Variants in TRAF3IP1 observed in about 807,000 individuals in gnomAD.
TRAF3IP1 encodes TRAF3-interacting protein 1.
TRAF3IP1 carries 53 observed loss-of-function variants against 89.9 expected under a neutral mutation model. The ratio of observed to expected loss-of-function variants is 0.59; its 90% CI spans 0.47 to 0.74. The LOEUF (loss-of-function observed/expected upper bound fraction) is 0.74, where lower values mean the gene tolerates loss of function less well. Among genes scored for constraint, TRAF3IP1 ranks in the 30% least tolerant of loss-of-function variants. The pLI is 0.00. For synonymous variants in TRAF3IP1, 311 were observed against 322.1 expected (o/e 0.97, Z 0.37); for missense variants, 806 against 866.1 (o/e 0.93, Z 0.87).
chr2:238,398,842 G>A lies in TRAF3IP1; in HGVS notation c.1999G>A (p.Val667Met). Reference sequence around the variant, plus strand: ...AGACCAGCAAGACAAGATCTGTGCTGTGAAGGCCAACATCCTCAAGAATGA... The same window carrying A: ...AGACCAGCAAGACAAGATCTGTGCTATGAAGGCCAACATCCTCAAGAATGA... ...IKDQQDKICA[V>M]KANILKNEEK... Residue 667 changes from valine to methionine, a missense_variant, in exon 17 of 17, where the codon GTG becomes ATG. Physicochemically the swap from Val to Met is conservative, Grantham distance 21. This residue lies in a region of TRAF3IP1 where 70 missense variants were observed against 67.8 expected (regional missense o/e 1.03). Transcript: ENST00000373327. 3 of 1,613,634 alleles carry A rather than the reference G, an allele frequency of 1.9e-6. No homozygotes were observed. Among genetic ancestry groups the A allele is most frequent in the Non-Finnish European group, 2.5e-6 (3 of 1,179,794 alleles).
intron 2 of TRAF3IP1, 63 bp downstream of exon 2, chr2:238,325,437 C>A: frequency 6.5e-7 from 1 of 1,541,168 alleles, no homozygotes; most frequent in South Asian, 1.1e-5. Context: ...TTTTTGTAGG[C>A]CTGGTAGTGT....
At chr2:238,370,336 G>A (rs190596796) in intron 15 of TRAF3IP1, among the ~76,000 whole-genome samples, 4 of 152,196 alleles carry the variant, frequency 2.6e-5, no homozygotes, top group East Asian at 1.9e-4. Flanking sequence ...CTGTGTATGC[G>A]TATGTGTGCG....
chr2:238,356,818 G>A (rs1485671609), intron 15 of TRAF3IP1, among the ~76,000 whole-genome samples: 4 of 147,974 alleles, frequency 2.7e-5, no homozygotes, highest in Non-Finnish European at 4.4e-5. Context: ...TCGCTCTGTC[G>A]CCCAGGCTGG....
Position 238,334,168 on chromosome 2 carries a change from C to T in TRAF3IP1, c.1063+133C>T, listed in dbSNP as rs944081041. ...ACTTGCTGTGTCTGGGAATGAACAG[C>T]GTGTGGAAATAATGAAGATTTGTGG... On this transcript the variant is annotated intron_variant, in intron 7 of 16. Coordinates refer to ENST00000373327, the MANE Select transcript of TRAF3IP1 (RefSeq NM_015650.4). 5 of 696,586 alleles carry T rather than the reference C, an allele frequency of 7.2e-6. No individual in the cohort carries two copies. The highest frequency in any genetic ancestry group is 5.5e-5 in the East Asian group (2 of 36,246). 43.2% of individuals were successfully genotyped at this position (696,586 alleles called of 1,614,324 possible). A position where few individuals can be genotyped will look rare whatever the true frequency, so the allele number is the denominator to read the frequency against.
rs772478932 is a variant in TRAF3IP1, at chr2:238,379,315, A to G, written c.1690-18144A>G. Among the ~76,000 whole-genome samples the G allele has an allele frequency of 1.3e-5, 2 of 152,164 alleles. No homozygotes were observed. The highest frequency in any genetic ancestry group is 3.8e-4 in the East Asian group (2 of 5,196). On this transcript the variant is annotated intron_variant, in intron 15 of 16. Coordinates refer to ENST00000373327, the MANE Select transcript of TRAF3IP1 (RefSeq NM_015650.4). This position sits in a 1 kb window ranked among gnomAD's most constrained non-coding sequence, Gnocchi z 4.0. ...CACCATCTCTGACCCGGGCTCTGCTATCCTCACAGCATTGGTCACTGACTG... is the reference window on the plus strand; with the variant it reads ...CACCATCTCTGACCCGGGCTCTGCTGTCCTCACAGCATTGGTCACTGACTG...
chr2:238,320,545 G>T lies in TRAF3IP1; in HGVS notation c.-118G>T. 1 of 1,023,194 alleles carries T rather than the reference G, an allele frequency of 9.8e-7. No individual in the cohort carries two copies. The highest frequency in any genetic ancestry group is 1.7e-5 in the African/African-American group (1 of 57,890). 63.4% of individuals were successfully genotyped at this position (1,023,194 alleles called of 1,614,324 possible). The stretch of plus-strand genomic sequence containing the variant: ...ACTGTGGGATGGAAACCGGAGCGGC[G>T]CGTCCTGGCAGGACCGGGCGGCGGC... On this transcript the variant is annotated 5_prime_UTR_variant, in exon 1 of 17. Transcript: ENST00000373327.
chr2:238,365,615 G>A (rs1324847261), intron 15 of TRAF3IP1, among the ~76,000 whole-genome samples: 2 of 151,742 alleles, frequency 1.3e-5, no homozygotes, highest in Non-Finnish European at 1.5e-5. Context: ...CCAAGCTCGC[G>A]CCACTGCACT....
chr2:238,329,885 G>GAT (rs1698035575), intron 5 of TRAF3IP1, among the ~76,000 whole-genome samples: 1 of 152,218 alleles, frequency 6.6e-6, no homozygotes, highest in African/African-American at 2.4e-5. Flanking sequence ...AGTGGTAGAA[G>GAT]ATAATTTGAA....
chr2:238,398,930 G>A lies in TRAF3IP1; in HGVS notation c.*11G>A, dbSNP rs1448040361. 6.3e-7 allele frequency: 1 copy of A among 1,583,642 alleles called. No homozygotes were observed. Among genetic ancestry groups the A allele is most frequent in the African/African-American group, 1.4e-5 (1 of 73,348 alleles). On this transcript the variant is annotated 3_prime_UTR_variant, in exon 17 of 17. Transcript: ENST00000373327. ...ACTTCGAGAAGGTGAACACTCAAAA[G>A]TTTCAGAGATGAAAAGTCACCTCAG...
intron 1 of TRAF3IP1, among the ~76,000 whole-genome samples, chr2:238,325,001 G>A (rs1025935652): frequency 6.6e-6 from 1 of 152,150 alleles, no homozygotes; most frequent in Non-Finnish European, 1.5e-5. Context: ...CTCCAGGAAG[G>A]GTTCCCTGCC....
At position 238,399,961 on chromosome 2, in the gene TRAF3IP1, A is replaced by G. The variant is rs762195761; in HGVS notation, c.*1042A>G. On this transcript the variant is annotated 3_prime_UTR_variant, in exon 17 of 17. Coordinates refer to ENST00000373327, the MANE Select transcript of TRAF3IP1 (RefSeq NM_015650.4). ...GCAGAGTCTTAAGTTACTGTATAAA[A>G]CATTTCATTGTGTTTGAAGACATAC... 7 of 152,192 alleles carry G rather than the reference A, an allele frequency of 4.6e-5. No individual in the cohort carries two copies. Among genetic ancestry groups the G allele is most frequent in the Admixed American group, 1.3e-4 (2 of 15,278 alleles). The allele number at this position is 152,192 out of a possible 1,614,324, so 9.4% of individuals were successfully genotyped here.
intron 15 of TRAF3IP1, among the ~76,000 whole-genome samples, chr2:238,377,235 T>C (rs890157258): frequency 1.9e-4 from 25 of 134,542 alleles, no homozygotes; most frequent in Admixed American, 6.6e-4. Flanking sequence ...ATTTTCTTTT[T>C]TTTTTTTTTT....
intron 15 of TRAF3IP1, among the ~76,000 whole-genome samples, chr2:238,365,983 C>T (rs1488630631): frequency 6.6e-6 from 1 of 152,160 alleles, no homozygotes. Flanking sequence ...CAGTGGCTCA[C>T]GCCTGTAATC....
At chr2:238,335,426 G>T (rs1243781149) in intron 7 of TRAF3IP1, among the ~76,000 whole-genome samples, 1 of 151,992 alleles carries the variant, frequency 6.6e-6, no homozygotes, top group African/African-American at 2.4e-5. Context: ...TGGGTTACGG[G>T]CTTTTTTGTG....
intron 1 of TRAF3IP1, among the ~76,000 whole-genome samples, chr2:238,322,239 A>T (rs1697586610): frequency 6.6e-6 from 1 of 152,218 alleles, no homozygotes; most frequent in Admixed American, 6.5e-5. Flanking sequence ...CAAAACCTTT[A>T]TTCTCCCAGG....
At chr2:238,331,708 G>T (rs146620288) in intron 5 of TRAF3IP1, among the ~76,000 whole-genome samples, 5 of 152,182 alleles carry the variant, frequency 3.3e-5, no homozygotes, top group Non-Finnish European at 5.9e-5. Flanking sequence ...ATTGAGCCGC[G>T]TAGGTCTGGG....
At position 238,351,627 on chromosome 2, in the gene TRAF3IP1, G is replaced by C. The variant is rs543390281; in HGVS notation, c.1452-1200G>C. Among the ~76,000 whole-genome samples, 2 of 152,310 alleles carry C rather than the reference G, an allele frequency of 1.3e-5. No homozygotes were observed. Among genetic ancestry groups the C allele is most frequent in the African/African-American group, 4.8e-5 (2 of 41,566 alleles). ...GGAGCGTGAGAGACGAGGGACGGGA[G>C]CCTGGACTTCCTGGTACTGACAGAG... On this transcript the variant is annotated intron_variant, in intron 12 of 16. Coordinates refer to ENST00000373327, the MANE Select transcript of TRAF3IP1 (RefSeq NM_015650.4). The surrounding 1 kb of genome is among the most constrained non-coding windows in gnomAD (Gnocchi z 5.2).
intron 9 of TRAF3IP1, 88 bp from the exon 10 acceptor site, chr2:238,347,367 T>C (rs1698941963): frequency 1.5e-6 from 2 of 1,376,740 alleles, no homozygotes; most frequent in Admixed American, 1.7e-5. Context: ...TTATGTACAG[T>C]GTGTTTTTTC....
intron 15 of TRAF3IP1, among the ~76,000 whole-genome samples, chr2:238,393,779 A>G (rs1701095050): frequency 6.6e-6 from 1 of 152,188 alleles, no homozygotes; most frequent in African/African-American, 2.4e-5. Context: ...TTGCTTTTGT[A>G]CCTTTGTCAA....
Sources: gnomAD v4.1 joint callset for allele counts (sites outside exome capture counted in the v4.1 genomes callset) on GRCh38, gnomAD v4.1.1 for gene constraint, gnomAD v4.1.1 regional missense constraint, Gnocchi (gnomAD v3.1) non-coding constraint, MANE v1.5 for transcripts, NCBI Gene and HGNC (gene_info 2026-07-23, HGNC 2026-07-21) for gene names.